PPP2R5E: variants seen among roughly 807,000 people sequenced by gnomAD.
The protein encoded by PPP2R5E is protein phosphatase 2 regulatory subunit B'epsilon.
In PPP2R5E, 4 loss-of-function variants were observed where a neutral mutation model predicts 65.3. The observed-to-expected ratio is 0.06, with a 90% confidence interval of 0.03 to 0.14. The LOEUF (loss-of-function observed/expected upper bound fraction) is 0.14, where lower values mean the gene tolerates loss of function less well. Among genes scored for constraint, PPP2R5E ranks in the 10% least tolerant of loss-of-function variants. The pLI is 1.00. For synonymous variants in PPP2R5E, 183 were observed against 187.4 expected, an observed-to-expected ratio of 0.98 and a Z score of 0.19; for missense variants, 274 against 556.1, an observed-to-expected ratio of 0.49 and a Z score of 5.10.
intron 3 of PPP2R5E, among the ~76,000 whole-genome samples, chr14:63,440,951 A>AAAAAAAAAAT (rs1888207189): frequency 7.3e-6 from 1 of 137,384 alleles, no homozygotes; most frequent in African/African-American, 3.4e-5. Flanking sequence ...TCCATCTCAA[A>AAAAAAAAAAT]AAAAAAAAAA....
chr14:63,512,150 T>A (rs1892489107), intron 2 of PPP2R5E, among the ~76,000 whole-genome samples: 2 of 150,854 alleles, frequency 1.3e-5, no homozygotes, highest in Non-Finnish European at 2.9e-5. Context: ...CAATACAATG[T>A]ATCTTTTCAA....
In PPP2R5E at chr14:63,378,916, T is replaced by C. The variant is rs117225760; in HGVS notation, c.1305-2808A>G. Among the ~76,000 whole-genome samples, 49 of 152,382 alleles carry C rather than the reference T, an allele frequency of 3.2e-4. No homozygotes were observed. In the East Asian group the frequency reaches 7.1e-3, roughly 22 times the overall value. ...TCTCTGACAGTACCAACTAAATTTC[T>C]TCATTCCCTTGTCCTATTCCCACAC... On this transcript the variant is annotated intron_variant, in intron 13 of 13. Coordinates refer to ENST00000337537, the MANE Select transcript of PPP2R5E (RefSeq NM_006246.5).
intron 2 of PPP2R5E, among the ~76,000 whole-genome samples, chr14:63,526,326 A>G (rs1893182331): frequency 6.6e-6 from 1 of 152,236 alleles, no homozygotes; most frequent in African/African-American, 2.4e-5. Flanking sequence ...CGAAAGTATT[A>G]GAACTCTATA....
intron 5 of PPP2R5E, among the ~76,000 whole-genome samples, chr14:63,402,846 C>T (rs1020202945): frequency 6.6e-6 from 1 of 151,964 alleles, no homozygotes; most frequent in African/African-American, 2.4e-5. Context: ...TAATTCAATT[C>T]AATTTCCAAC....
intron 2 of PPP2R5E, among the ~76,000 whole-genome samples, chr14:63,499,342 T>C (rs1030534546): frequency 1.3e-5 from 2 of 152,202 alleles, no homozygotes; most frequent in East Asian, 1.9e-4. Flanking sequence ...AGAAGGGCTA[T>C]GGCAGTAATA....
intron 2 of PPP2R5E, among the ~76,000 whole-genome samples, chr14:63,471,300 T>C (rs1275498122): frequency 6.6e-6 from 1 of 152,176 alleles, no homozygotes; most frequent in African/African-American, 2.4e-5. Flanking sequence ...AATATCATGA[T>C]CTCCTACAGA....
At chr14:63,445,447 T>A (rs567297207) in intron 3 of PPP2R5E, among the ~76,000 whole-genome samples, 1 of 152,374 alleles carries the variant, frequency 6.6e-6, no homozygotes, top group South Asian at 2.1e-4. Flanking sequence ...CGAGTTGTAA[T>A]CTTTTTTGCT....
At chr14:63,411,478 T>C (rs932489312) in intron 5 of PPP2R5E, among the ~76,000 whole-genome samples, 1 of 151,800 alleles carries the variant, frequency 6.6e-6, no homozygotes, top group Non-Finnish European at 1.5e-5. Context: ...TGATATAGTT[T>C]GGTTTTTGTT....
rs1164440462 is a variant in PPP2R5E, at chr14:63,542,771, TAA to T, written c.-8+6_-8+7del. On this transcript the variant is annotated splice_donor_region_variant and intron_variant, in intron 1 of 13. Coordinates refer to ENST00000337537, the MANE Select transcript of PPP2R5E (RefSeq NM_006246.5). The stretch of plus-strand genomic sequence containing the variant: ...GGGCGAGCCGCGGTGCTGGAGGGAC[TAA>T]GTTACCTTGAAGCTTCTGGGGAAGA... 1 of 153,564 alleles carries T rather than the reference TAA, an allele frequency of 6.5e-6. No homozygotes were observed. The highest frequency in any genetic ancestry group is 1.5e-5 in the Non-Finnish European group (1 of 68,262). 9.5% of individuals were successfully genotyped at this position (153,564 alleles called of 1,614,324 possible).
At chr14:63,458,105 G>A (rs895938952) in intron 2 of PPP2R5E, among the ~76,000 whole-genome samples, 1 of 152,180 alleles carries the variant, frequency 6.6e-6, no homozygotes, top group Middle Eastern at 3.2e-3. Flanking sequence ...TTACGAGTGT[G>A]ACATGCAATG....
At chr14:63,422,174 G>A (rs1887061702) in intron 3 of PPP2R5E, 80 bp from the exon 4 acceptor site, 11 of 1,123,878 alleles carry the variant, frequency 9.8e-6, no homozygotes, top group African/African-American at 1.5e-5. Flanking sequence ...CCAAGCTGAG[G>A]GGAACCCAGA....
chr14:63,395,333 G>A, intron 6 of PPP2R5E, 48 bp from the exon 7 acceptor site: 4 of 1,304,356 alleles, frequency 3.1e-6, no homozygotes, highest in Non-Finnish European at 4.4e-6. Flanking sequence ...AGGAGGAGGA[G>A]AAGGAAGGGA....
intron 12 of PPP2R5E, among the ~76,000 whole-genome samples, chr14:63,383,875 T>G (rs1406799763): frequency 6.6e-6 from 1 of 152,134 alleles, no homozygotes; most frequent in Non-Finnish European, 1.5e-5. Context: ...AATGAAAACC[T>G]AGTCAGACCA....
At chr14:63,482,520 T>A (rs1423281027) in intron 2 of PPP2R5E, among the ~76,000 whole-genome samples, 1 of 152,158 alleles carries the variant, frequency 6.6e-6, no homozygotes. Context: ...TAGCCTCTAT[T>A]TAGATGGTAT....
Position 63,501,421 on chromosome 14 carries a change from G to T in PPP2R5E, c.157+38108C>A, listed in dbSNP as rs551323178. Among the ~76,000 whole-genome samples, 3 of 145,686 alleles carry T rather than the reference G, an allele frequency of 2.1e-5. No individual in the cohort carries two copies. In the East Asian group the frequency reaches 6.1e-4, roughly 30 times the overall value. On this transcript the variant is annotated intron_variant, in intron 2 of 13. Transcript: ENST00000337537. The stretch of plus-strand genomic sequence containing the variant: ...CTCCGTCTCAAAAAAAAAAAAAAAA[G>T]AAAATGTTAATAAGATATAATGATG...
rs117466761 is a variant in PPP2R5E at position 63,376,290 on chromosome 14, G to A, written c.1305-182C>T. Among the ~76,000 whole-genome samples, 830 of 152,234 alleles carry A rather than the reference G, an allele frequency of 5.5e-3. 52 individuals are homozygous for A. The East Asian group carries it at 0.14, about 25-fold the overall frequency. On this transcript the variant is annotated intron_variant, in intron 13 of 13. Coordinates refer to ENST00000337537, the MANE Select transcript of PPP2R5E (RefSeq NM_006246.5). ...TATGCATCAGTTATTGTAAAATCAA[G>A]GGCATATTAGTGATTTTCACTTGCA...
intron 2 of PPP2R5E, among the ~76,000 whole-genome samples, chr14:63,534,217 A>G (rs1318126665): frequency 6.6e-6 from 1 of 152,108 alleles, no homozygotes; most frequent in Admixed American, 6.6e-5. Context: ...TTACTCAACA[A>G]CTTACCTAGA....
At chr14:63,376,612 A>AT (rs1162467498) in intron 13 of PPP2R5E, among the ~76,000 whole-genome samples, 1 of 152,186 alleles carries the variant, frequency 6.6e-6, no homozygotes, top group Non-Finnish European at 1.5e-5. Context: ...AAATTTAGTG[A>AT]TTTTCAGACT....
At chr14:63,440,293 G>A (rs1368017118) in intron 3 of PPP2R5E, among the ~76,000 whole-genome samples, 1 of 152,080 alleles carries the variant, frequency 6.6e-6, no homozygotes, top group Admixed American at 6.5e-5. Flanking sequence ...AAGTGGTAGG[G>A]TAGAGAGAAA....
Sources: gnomAD v4.1 joint callset for allele counts (sites outside exome capture counted in the v4.1 genomes callset) on GRCh38, gnomAD v4.1.1 for gene constraint, MANE v1.5 for transcripts, NCBI Gene and HGNC (gene_info 2026-07-23, HGNC 2026-07-21) for gene names.